The following ERBB4 variants were observed in gnomAD, a reference collection of about 807,000 sequenced individuals.
ERBB4 encodes the protein erb-b2 receptor tyrosine kinase 4.
In ERBB4, 42 loss-of-function variants were observed where a neutral mutation model predicts 158.0. The ratio of observed to expected loss-of-function variants is 0.27; its 90% CI spans 0.21 to 0.34. The LOEUF is 0.34. ERBB4 is among the 10% of genes least tolerant of loss of function. The probability of loss-of-function intolerance (pLI) is 1.00; values close to 1 mark genes in which losing one functional copy is unlikely to be tolerated. For missense variants in ERBB4, 1,333 were observed against 1,624.1 expected, an observed-to-expected ratio of 0.82 and a Z score of 3.08; for synonymous variants, 583 against 558.7, an observed-to-expected ratio of 1.04 and a Z score of -0.61.
chr2:211,514,716 C>T (rs1347133332), intron 20 of ERBB4, among the ~76,000 whole-genome samples: 1 of 152,150 alleles, frequency 6.6e-6, no homozygotes, highest in Admixed American at 6.5e-5. Flanking sequence ...AATCCCTTAT[C>T]TGAAATGCTT....
intron 2 of ERBB4, among the ~76,000 whole-genome samples, chr2:212,110,460 G>C (rs1388520736): frequency 6.6e-6 from 1 of 152,134 alleles, no homozygotes; most frequent in African/African-American, 2.4e-5. Flanking sequence ...GACCCCATGG[G>C]CTTTGACACT....
chr2:212,324,163 A>G (rs1290342658), intron 1 of ERBB4, among the ~76,000 whole-genome samples: 1 of 150,720 alleles, frequency 6.6e-6, no homozygotes, highest in African/African-American at 2.4e-5. Flanking sequence ...TGACCACACG[A>G]ATAACCAGCA....
At chr2:211,944,298 T>C (rs2080618032) in intron 3 of ERBB4, among the ~76,000 whole-genome samples, 1 of 149,074 alleles carries the variant, frequency 6.7e-6, no homozygotes. Context: ...CCCATCCCCA[T>C]AATTGTTACT....
rs980136574 is a variant in ERBB4, at chr2:211,981,059, G to A, written c.235-33443C>T. On this transcript the variant is annotated intron_variant, in intron 2 of 27. Transcript: ENST00000342788. ...AATGTTCTTAAACTTCCTATCTTGTGAATGTTCATTTAGTTAAAATTAACA... is the reference window on the plus strand; with the variant it reads ...AATGTTCTTAAACTTCCTATCTTGTAAATGTTCATTTAGTTAAAATTAACA... 1.5e-4 allele frequency among the ~76,000 whole-genome samples: 20 copies of A among 132,602 alleles called. 1 individual carries two copies. The highest frequency in any genetic ancestry group is 4.2e-4 in the African/African-American group (17 of 40,158). 87.0% of individuals were successfully genotyped at this position (132,602 alleles called of 152,430 possible). A position where few individuals can be genotyped will look rare whatever the true frequency, so the allele number is the denominator to read the frequency against.
intron 3 of ERBB4, among the ~76,000 whole-genome samples, chr2:211,943,338 A>T (rs1056728618): frequency 1.3e-5 from 2 of 152,106 alleles, no homozygotes; most frequent in Admixed American, 6.6e-5. Context: ...TGTTTGGTTA[A>T]AAAAGAGGTG....
At chr2:212,256,340 T>C (rs967378479) in intron 1 of ERBB4, among the ~76,000 whole-genome samples, 1 of 152,174 alleles carries the variant, frequency 6.6e-6, no homozygotes. Context: ...ATGAGTCAGA[T>C]AATTTGCCTT....
chr2:211,660,620 G>A (rs542204493), intron 15 of ERBB4, among the ~76,000 whole-genome samples: 1 of 152,284 alleles, frequency 6.6e-6, no homozygotes, highest in Non-Finnish European at 1.5e-5. Context: ...ATGTTTATCA[G>A]CAGTTGGAAA....
intron 1 of ERBB4, among the ~76,000 whole-genome samples, chr2:212,308,792 A>G (rs2086909913): frequency 6.6e-6 from 1 of 151,018 alleles, no homozygotes; most frequent in Non-Finnish European, 1.5e-5. Flanking sequence ...TAGGCTTAAC[A>G]TTCTATAATT....
Position 211,573,717 on chromosome 2 carries a change from T to A in ERBB4, c.2302-11629A>T, listed in dbSNP as rs1029944603. Among the ~76,000 whole-genome samples, 42 of 151,814 alleles carry A rather than the reference T, an allele frequency of 2.8e-4. 1 individual carries two copies. Among genetic ancestry groups the A allele is most frequent in the African/African-American group, 8.4e-4 (35 of 41,426 alleles). ...AATAATAGAAAATATTAAAAAAAAATGTTTCAGAAGCTACAGGAAACAATT... is the reference window on the plus strand; with the variant it reads ...AATAATAGAAAATATTAAAAAAAAAAGTTTCAGAAGCTACAGGAAACAATT... On this transcript the variant is annotated intron_variant, in intron 19 of 27. Coordinates refer to ENST00000342788, the MANE Select transcript of ERBB4 (RefSeq NM_005235.3).
At chr2:212,085,683 G>A (rs2078583731) in intron 2 of ERBB4, among the ~76,000 whole-genome samples, 1 of 151,700 alleles carries the variant, frequency 6.6e-6, no homozygotes, top group Admixed American at 6.6e-5. Flanking sequence ...TCTTTTTTAG[G>A]AAATCTGTTT....
chr2:212,380,877 A>C (rs1210649086), intron 1 of ERBB4, among the ~76,000 whole-genome samples: 2 of 151,252 alleles, frequency 1.3e-5, no homozygotes, highest in Non-Finnish European at 3.0e-5. Context: ...ATATTTTCAA[A>C]GTTAAAGAAA....
intron 2 of ERBB4, among the ~76,000 whole-genome samples, chr2:211,952,545 A>G (rs2080901564): frequency 6.6e-6 from 1 of 152,078 alleles, no homozygotes; most frequent in Non-Finnish European, 1.5e-5. Context: ...ATTTTGAGAG[A>G]ATAAAAACAA....
chr2:211,867,141 T>C (rs933403566), intron 3 of ERBB4, among the ~76,000 whole-genome samples: 1 of 148,216 alleles, frequency 6.7e-6, no homozygotes, highest in Non-Finnish European at 1.5e-5. Context: ...AAATGGCAAC[T>C]AATTCCATAC....
chr2:212,079,328 C>T (rs946141007), intron 2 of ERBB4, among the ~76,000 whole-genome samples: 4 of 151,850 alleles, frequency 2.6e-5, no homozygotes, highest in Non-Finnish European at 5.9e-5. Flanking sequence ...AATCCTATTG[C>T]TTCATTAATA....
At chr2:212,165,634 T>C (rs904737402) in intron 1 of ERBB4, among the ~76,000 whole-genome samples, 1 of 152,048 alleles carries the variant, frequency 6.6e-6, no homozygotes, top group Non-Finnish European at 1.5e-5. Context: ...ATTTATTTCA[T>C]CCTTCCCGCA....
At chr2:212,340,268 G>C (rs2088642298) in intron 1 of ERBB4, among the ~76,000 whole-genome samples, 1 of 151,934 alleles carries the variant, frequency 6.6e-6, no homozygotes, top group Non-Finnish European at 1.5e-5. Context: ...CTATAGCAAT[G>C]GTCCCCAACC....
chr2:211,518,736 A>G (rs1441802536), intron 20 of ERBB4, among the ~76,000 whole-genome samples: 1 of 152,054 alleles, frequency 6.6e-6, no homozygotes, highest in Non-Finnish European at 1.5e-5. Context: ...TTTAAACTGT[A>G]TCCTGTGTCT....
intron 12 of ERBB4, among the ~76,000 whole-genome samples, chr2:211,701,099 A>G: frequency 6.6e-6 from 1 of 152,226 alleles, no homozygotes. Flanking sequence ...AGTAAATAAG[A>G]AATTATTCAA....
chr2:212,428,337 A>G (rs1286288137), intron 1 of ERBB4, among the ~76,000 whole-genome samples: 1 of 152,116 alleles, frequency 6.6e-6, no homozygotes, highest in Non-Finnish European at 1.5e-5. Flanking sequence ...GTTTTTCTTT[A>G]ATTCCAAGGA....
Sources: allele counts gnomAD v4.1 joint callset (sites outside exome capture counted in the v4.1 genomes callset), GRCh38; gene constraint gnomAD v4.1.1; transcripts MANE v1.5; gene names NCBI Gene and HGNC (gene_info 2026-07-23, HGNC 2026-07-21).